Variants in BANK1 observed in about 807,000 individuals in gnomAD.
BANK1 encodes the protein B cell scaffold protein with ankyrin repeats 1, also known as B-cell scaffold protein with ankyrin repeats.
A neutral mutation model predicts 94.5 loss-of-function variants in BANK1; 95 were observed. That is an observed-to-expected ratio of 1.00 (90% confidence interval 0.85 to 1.19). BANK1 has a LOEUF of 1.19. Ranked by LOEUF, BANK1 falls within the 50% of genes most tolerant of loss-of-function variation. The pLI is 0.00. For synonymous variants in BANK1, 334 were observed against 308.4 expected (o/e 1.08, Z -0.87); for missense variants, 987 against 932.2 (o/e 1.06, Z -0.77).
intron 7 of BANK1, among the ~76,000 whole-genome samples, chr4:101,996,004 G>T (rs1725866367): frequency 6.6e-6 from 1 of 152,112 alleles, no homozygotes; most frequent in African/African-American, 2.4e-5. Flanking sequence ...TGGTGTTTTA[G>T]TCACGAAGTC....
intron 7 of BANK1, among the ~76,000 whole-genome samples, chr4:101,955,330 GA>G (rs542770435): frequency 8.2e-4 from 125 of 152,234 alleles, no homozygotes; most frequent in Non-Finnish European, 1.6e-3. Flanking sequence ...ATTGAGATAA[GA>G]AAAAAGAAAT....
chr4:101,853,757 G>C (rs1051855487), intron 2 of BANK1, among the ~76,000 whole-genome samples: 1 of 152,110 alleles, frequency 6.6e-6, no homozygotes, highest in Non-Finnish European at 1.5e-5. Flanking sequence ...CTGGGGCAAG[G>C]CATTTTCAGA....
At chr4:101,932,277 T>G (rs1038979255) in intron 7 of BANK1, among the ~76,000 whole-genome samples, 4 of 151,554 alleles carry the variant, frequency 2.6e-5, no homozygotes, top group African/African-American at 9.7e-5. Context: ...CCTGATTTCC[T>G]TATCCCTTTG....
At chr4:101,905,317 A>T (rs1722412746) in intron 6 of BANK1, among the ~76,000 whole-genome samples, 1 of 152,308 alleles carries the variant, frequency 6.6e-6, no homozygotes, top group Admixed American at 6.5e-5. Context: ...TTTGTGCAGC[A>T]TAAATCTACT....
At chr4:102,062,113 G>A (rs1021775164) in intron 12 of BANK1, 22 of 152,108 alleles carry the variant, frequency 1.4e-4, no homozygotes, top group Non-Finnish European at 3.2e-4. Flanking sequence ...GTATTTGTTT[G>A]TATCCTATGA....
At chr4:102,043,955 C>A in intron 11 of BANK1, 48 bp downstream of exon 11, 1 of 1,180,076 alleles carries the variant, frequency 8.5e-7, no homozygotes, top group South Asian at 1.3e-5. Flanking sequence ...GGTAAAATAT[C>A]AAGAAATCTT....
Position 101,890,080 on chromosome 4 carries a change from G to A in BANK1, c.904-5225G>A, listed in dbSNP as rs547134247. On this transcript the variant is annotated intron_variant, in intron 5 of 16. Transcript: ENST00000322953. Reference sequence around the variant, plus strand: ...TGTTAATATTTGTTTTATGCCTCAGGATATGATCTATCTTGGTATAAGTTT... The same window carrying A: ...TGTTAATATTTGTTTTATGCCTCAGAATATGATCTATCTTGGTATAAGTTT... 3.2e-4 allele frequency among the ~76,000 whole-genome samples: 49 copies of A among 152,242 alleles called. No individual in the cohort carries two copies. The South Asian group carries it at 7.7e-3, about 24-fold the overall frequency.
chr4:101,889,800 ATG>A (rs1430152516), intron 5 of BANK1, among the ~76,000 whole-genome samples: 15 of 151,900 alleles, frequency 9.9e-5, no homozygotes, highest in Admixed American at 9.2e-4. Flanking sequence ...CTCTTTTCCA[ATG>A]TATTATAAAA....
At chr4:101,950,493 G>A (rs1387023720) in intron 7 of BANK1, among the ~76,000 whole-genome samples, 1 of 152,090 alleles carries the variant, frequency 6.6e-6, no homozygotes, top group Non-Finnish European at 1.5e-5. Flanking sequence ...ATCACTCCCA[G>A]CTGAGTGCTT....
chr4:102,014,444 T>C (rs1346964526), intron 7 of BANK1, among the ~76,000 whole-genome samples: 3 of 152,158 alleles, frequency 2.0e-5, no homozygotes, highest in Non-Finnish European at 4.4e-5. Context: ...GCGTTAGCTA[T>C]TGGAACCAGA....
intron 7 of BANK1, among the ~76,000 whole-genome samples, chr4:101,933,466 A>G (rs901162675): frequency 1.3e-5 from 2 of 151,672 alleles, no homozygotes; most frequent in East Asian, 2.0e-4. Context: ...AAGGGTTGTT[A>G]TGTCTGTAGC....
At chr4:101,997,530 G>A (rs1018971915) in intron 7 of BANK1, among the ~76,000 whole-genome samples, 2 of 152,038 alleles carry the variant, frequency 1.3e-5, no homozygotes, top group African/African-American at 4.8e-5. Flanking sequence ...GTAGAATTTA[G>A]CTGTGAATCC....
chr4:101,919,562 G>A (rs1722934505), intron 7 of BANK1, among the ~76,000 whole-genome samples: 1 of 151,924 alleles, frequency 6.6e-6, no homozygotes, highest in South Asian at 2.1e-4. Flanking sequence ...TGCAATAACA[G>A]CACTGATAGA....
intron 2 of BANK1, among the ~76,000 whole-genome samples, chr4:101,839,937 A>ATTTATTTATTTTT (rs1726969190): frequency 1.9e-5 from 1 of 53,036 alleles, no homozygotes; most frequent in African/African-American, 7.5e-5. Context: ...CAAATATTTA[A>ATTTATTTATTTTT]TTTTTTTTTT....
intron 1 of BANK1, among the ~76,000 whole-genome samples, chr4:101,828,878 T>C (rs1203549511): frequency 6.6e-6 from 1 of 152,058 alleles, no homozygotes; most frequent in African/African-American, 2.4e-5. Flanking sequence ...TTCTTTTTTT[T>C]TTGAGACAGA....
At chr4:101,809,197 C>A (rs1560582705) in intron 1 of BANK1, among the ~76,000 whole-genome samples, 1 of 152,120 alleles carries the variant, frequency 6.6e-6, no homozygotes, top group Non-Finnish European at 1.5e-5. Flanking sequence ...GCCTTTCCAG[C>A]AAACTCGATG....
At chr4:101,890,492 G>A (rs922009058) in intron 5 of BANK1, among the ~76,000 whole-genome samples, 1 of 150,246 alleles carries the variant, frequency 6.7e-6, no homozygotes, top group Admixed American at 6.6e-5. Flanking sequence ...GCTTTCCTTT[G>A]TAATTTTTGC....
chr4:101,812,522 G>A (rs905625221), intron 1 of BANK1, among the ~76,000 whole-genome samples: 71 of 151,736 alleles, frequency 4.7e-4, no homozygotes, highest in Non-Finnish European at 8.7e-4. Context: ...AATGTAAAAC[G>A]TTTATTTTTA....
At chr4:101,895,068 A>T (rs1449440624) in intron 5 of BANK1, among the ~76,000 whole-genome samples, 1 of 151,788 alleles carries the variant, frequency 6.6e-6, no homozygotes, top group Non-Finnish European at 1.5e-5. Context: ...CCAAAGTTAT[A>T]GTTTCTTATC....
Sources: allele counts gnomAD v4.1 joint callset (sites outside exome capture counted in the v4.1 genomes callset), GRCh38; gene constraint gnomAD v4.1.1; transcripts MANE v1.5; gene names NCBI Gene and HGNC (gene_info 2026-07-23, HGNC 2026-07-21).